Variants in DOCK7 observed in about 807,000 individuals in gnomAD.
The protein encoded by DOCK7 is dedicator of cytokinesis protein 7.
A neutral mutation model predicts 271.0 loss-of-function variants in DOCK7; 138 were observed. The ratio of observed to expected loss-of-function variants is 0.51; its 90% CI spans 0.44 to 0.59. The LOEUF is 0.59. Ranked by LOEUF, DOCK7 falls within the 20% of genes least tolerant of loss-of-function variation. The pLI, the probability that DOCK7 is intolerant of heterozygous loss-of-function variation, is 0.00. For synonymous variants in DOCK7, 823 were observed against 876.1 expected (o/e 0.94, Z 1.07); for missense variants, 2,066 against 2,592.4 (o/e 0.80, Z 4.41).
chr1:62,551,789 T>C (rs1351645723), intron 22 of DOCK7, among the ~76,000 whole-genome samples: 2 of 151,282 alleles, frequency 1.3e-5, no homozygotes, highest in African/African-American at 2.4e-5. Flanking sequence ...CTTGTATTTA[T>C]ATATTTGTAT....
intron 14 of DOCK7, among the ~76,000 whole-genome samples, chr1:62,610,134 C>T (rs1651577717): frequency 6.6e-6 from 1 of 152,142 alleles, no homozygotes; most frequent in Non-Finnish European, 1.5e-5. Flanking sequence ...CAGGCGTGAG[C>T]CCCCGCGCCC....
At chr1:62,587,009 A>G (rs1647631029) in intron 14 of DOCK7, among the ~76,000 whole-genome samples, 1 of 152,078 alleles carries the variant, frequency 6.6e-6, no homozygotes, top group Non-Finnish European at 1.5e-5. Flanking sequence ...TAGTTCTAAT[A>G]TTATCTTAGT....
chr1:62,569,457 C>T (rs749057905), intron 18 of DOCK7, among the ~76,000 whole-genome samples: 2 of 151,828 alleles, frequency 1.3e-5, no homozygotes, highest in African/African-American at 4.8e-5. Flanking sequence ...AAACGTAATC[C>T]GTCACATAAA....
At position 62,550,288 on chromosome 1, in the gene DOCK7, T is replaced by A. The variant is rs114543140; in HGVS notation, c.2766+2444A>T. Among the ~76,000 whole-genome samples, 942 of 152,190 alleles carry A rather than the reference T, an allele frequency of 6.2e-3. 11 individuals are homozygous for A. The highest frequency in any genetic ancestry group is 0.022 in the African/African-American group (901 of 41,514). ...AAATTAATTTAGAAAAATAAATAGC[T>A]CATCTATTCATTTTTAATACAGAAG... On this transcript the variant is annotated intron_variant, in intron 22 of 49. Transcript: ENST00000635253.
intron 44 of DOCK7, 147 bp downstream of exon 44, chr1:62,477,553 G>C (rs879498653): frequency 1.7e-5 from 13 of 744,370 alleles, no homozygotes; most frequent in South Asian, 3.3e-5. Flanking sequence ...GAGTATTATT[G>C]TAACTATTAA....
chr1:62,683,761 C>T (rs139283505), intron 1 of DOCK7, among the ~76,000 whole-genome samples: 14 of 151,862 alleles, frequency 9.2e-5, no homozygotes, highest in Admixed American at 2.0e-4. Context: ...ATGGCGAAAA[C>T]CCGTCTCTAC....
intron 25 of DOCK7, among the ~76,000 whole-genome samples, chr1:62,540,175 T>A (rs1228699430): frequency 6.6e-6 from 1 of 151,978 alleles, no homozygotes; most frequent in African/African-American, 2.4e-5. Flanking sequence ...TTAAATTTTT[T>A]TTTTTTTTCC....
At chr1:62,541,485 C>A (rs1430422848) in intron 25 of DOCK7, among the ~76,000 whole-genome samples, 1 of 152,174 alleles carries the variant, frequency 6.6e-6, no homozygotes, top group Non-Finnish European at 1.5e-5. Flanking sequence ...ACCAACCCCT[C>A]CTCTTCAGCC....
chr1:62,496,109 TCTA>T (rs1218929359), intron 38 of DOCK7, among the ~76,000 whole-genome samples: 1 of 152,202 alleles, frequency 6.6e-6, no homozygotes, highest in East Asian at 1.9e-4. Context: ...AGTCTGCTGT[TCTA>T]CTTATTATAA....
chr1:62,465,150 C>T (rs1205935908), intron 48 of DOCK7, among the ~76,000 whole-genome samples: 1 of 152,190 alleles, frequency 6.6e-6, no homozygotes, highest in Non-Finnish European at 1.5e-5. Flanking sequence ...CTTGTTGCTA[C>T]TGTGGTGAGC....
intron 31 of DOCK7, among the ~76,000 whole-genome samples, chr1:62,519,383 C>T (rs1644776425): frequency 6.6e-6 from 1 of 152,092 alleles, no homozygotes; most frequent in African/African-American, 2.4e-5. Flanking sequence ...TTTCCACAAA[C>T]ATAACAAACT....
intron 1 of DOCK7, among the ~76,000 whole-genome samples, chr1:62,671,998 T>TTAAA (rs1473086210): frequency 1.3e-5 from 2 of 151,498 alleles, no homozygotes; most frequent in Non-Finnish European, 2.9e-5. Flanking sequence ...AAGAAATCTT[T>TTAAA]TAAATAAATA....
chr1:62,549,459 A>G (rs1645820160), intron 22 of DOCK7, among the ~76,000 whole-genome samples: 1 of 152,214 alleles, frequency 6.6e-6, no homozygotes, highest in Non-Finnish European at 1.5e-5. Context: ...AATAGCAAGT[A>G]AGGTAGCAGT....
At chr1:62,542,524 A>C in intron 25 of DOCK7, 84 bp downstream of exon 25, 1 of 1,351,028 alleles carries the variant, frequency 7.4e-7, no homozygotes, top group African/African-American at 1.5e-5. Context: ...CAACAGAAAA[A>C]GATTTCTAAG....
chr1:62,514,314 A>T (rs1197901884), intron 31 of DOCK7, among the ~76,000 whole-genome samples: 5 of 152,152 alleles, frequency 3.3e-5, no homozygotes. Flanking sequence ...GTAATGACAA[A>T]ATCATGTATG....
At chr1:62,535,395 G>T in intron 29 of DOCK7, 98 bp downstream of exon 29, 1 of 1,014,066 alleles carries the variant, frequency 9.9e-7, no homozygotes. Flanking sequence ...GAGTGTGAAA[G>T]ATTATTCTCC....
intron 18 of DOCK7, 119 bp from the exon 19 acceptor site, chr1:62,561,822 G>T: frequency 1.9e-6 from 1 of 522,304 alleles, no homozygotes; most frequent in Non-Finnish European, 3.2e-6. Flanking sequence ...TTTATTCACT[G>T]TAAATAAATT....
chr1:62,562,457 T>G (rs570401530), intron 18 of DOCK7, among the ~76,000 whole-genome samples: 2 of 151,996 alleles, frequency 1.3e-5, no homozygotes, highest in Non-Finnish European at 2.9e-5. Flanking sequence ...TCAGGTGATC[T>G]GCTTGCCTTG....
intron 9 of DOCK7, 31 bp from the exon 10 acceptor site, chr1:62,633,609 CT>C: frequency 6.7e-7 from 1 of 1,498,428 alleles, no homozygotes; most frequent in East Asian, 2.3e-5. Flanking sequence ...TAAGATTAAG[CT>C]TTTAAAAGCC....
Sources: allele counts gnomAD v4.1 joint callset (sites outside exome capture counted in the v4.1 genomes callset), GRCh38; gene constraint gnomAD v4.1.1; transcripts MANE v1.5; gene names NCBI Gene and HGNC (gene_info 2026-07-23, HGNC 2026-07-21).